GNB4: variants seen among roughly 807,000 people sequenced by gnomAD.
GNB4 encodes the protein guanine nucleotide-binding protein subunit beta-4.
Under a neutral mutation model 45.2 loss-of-function variants are expected in GNB4, and 28 were observed. That is an observed-to-expected ratio of 0.62 (90% confidence interval 0.46 to 0.85). The LOEUF is 0.85. Ranked by LOEUF, GNB4 falls within the 40% of genes least tolerant of loss-of-function variation. The pLI is 0.00. For synonymous variants in GNB4, 132 were observed against 143.7 expected, an observed-to-expected ratio of 0.92 and a Z score of 0.58; for missense variants, 321 against 425.4, an observed-to-expected ratio of 0.75 and a Z score of 2.16.
At chr3:179,490,433 A>G in the GNB4 span, among the ~76,000 whole-genome samples, 1 of 152,186 alleles carries the variant, frequency 6.6e-6, no homozygotes, top group African/African-American at 2.4e-5. Context: ...GTAGATCGAT[A>G]GATAGAGACA....
chr3:179,465,850 G>C, the GNB4 span, among the ~76,000 whole-genome samples: 2 of 131,398 alleles, frequency 1.5e-5, no homozygotes, highest in Non-Finnish European at 3.1e-5. Context: ...AGAGATGGGG[G>C]TCTTGCTATG....
the GNB4 span, among the ~76,000 whole-genome samples, chr3:179,485,462 C>G: frequency 6.6e-6 from 1 of 152,098 alleles, no homozygotes; most frequent in African/African-American, 2.4e-5. Context: ...TTTCTTTTGC[C>G]TATTTCCATT....
At chr3:179,481,290 T>C in the GNB4 span, among the ~76,000 whole-genome samples, 6 of 152,282 alleles carry the variant, frequency 3.9e-5, no homozygotes, top group Non-Finnish European at 8.8e-5. Context: ...GCCAAAGTCA[T>C]TGCTAATGAG....
At chr3:179,457,699 C>T in the GNB4 span, among the ~76,000 whole-genome samples, 10 of 152,244 alleles carry the variant, frequency 6.6e-5, no homozygotes, top group South Asian at 2.1e-3. Flanking sequence ...TAGAGTCAGG[C>T]TAACAAAATG....
chr3:179,409,509 T>A (rs1168626954), intron 8 of GNB4, among the ~76,000 whole-genome samples: 3 of 141,168 alleles, frequency 2.1e-5, no homozygotes, highest in African/African-American at 7.9e-5. Flanking sequence ...AGAAACTCCA[T>A]CTCAAAAACA....
chr3:179,497,550 A>T, the GNB4 span, among the ~76,000 whole-genome samples: 11 of 152,310 alleles, frequency 7.2e-5, no homozygotes, highest in Middle Eastern at 3.4e-3. Context: ...GAAGCAATTA[A>T]TAAAATGAAA....
intron 8 of GNB4, among the ~76,000 whole-genome samples, chr3:179,412,395 T>C (rs984182744): frequency 6.6e-6 from 1 of 152,002 alleles, no homozygotes; most frequent in African/African-American, 2.4e-5. Context: ...GGAAGATCAC[T>C]TGAGCCCAGG....
the GNB4 span, chr3:179,465,147 A>G: frequency 7.7e-7 from 1 of 1,292,020 alleles, no homozygotes; most frequent in Admixed American, 1.7e-5. Flanking sequence ...ATCAAGGAAG[A>G]AGCAGCAGTC....
chr3:179,523,419 ATAATG>A, the GNB4 span, among the ~76,000 whole-genome samples: 1 of 152,216 alleles, frequency 6.6e-6, no homozygotes, highest in Non-Finnish European at 1.5e-5. Context: ...CCAGAACAGA[ATAATG>A]GGTTGTGGAG....
chr3:179,447,096 G>T (rs956203445), intron 1 of GNB4, among the ~76,000 whole-genome samples: 1 of 152,130 alleles, frequency 6.6e-6, no homozygotes, highest in African/African-American at 2.4e-5. Context: ...AGGTTAGAGG[G>T]TGACGAGGAA....
chr3:179,415,139 T>C, intron 5 of GNB4, 92 bp from the exon 6 acceptor site: 3 of 951,462 alleles, frequency 3.2e-6, no homozygotes, highest in Non-Finnish European at 4.3e-6. Flanking sequence ...TATTAAAAAT[T>C]AAACACATCT....
chr3:179,456,107 C>A (rs966948756), upstream of GNB4, among the ~76,000 whole-genome samples: 1 of 122,622 alleles, frequency 8.2e-6, no homozygotes, highest in South Asian at 2.6e-4. Context: ...GGGACATAGA[C>A]TTTTTTTTTT....
At chr3:179,521,193 T>A in the GNB4 span, among the ~76,000 whole-genome samples, 1 of 152,212 alleles carries the variant, frequency 6.6e-6, no homozygotes, top group Middle Eastern at 3.4e-3. Flanking sequence ...CAGACATAAT[T>A]CCTCGGTTTG....
At chr3:179,482,873 T>C in the GNB4 span, among the ~76,000 whole-genome samples, 417 of 152,290 alleles carry the variant, frequency 2.7e-3, 2 homozygotes, top group African/African-American at 9.5e-3. Flanking sequence ...CCCTGAGAAA[T>C]AGGGTGTTTT....
the GNB4 span, among the ~76,000 whole-genome samples, chr3:179,490,744 T>C: frequency 6.6e-6 from 1 of 152,204 alleles, no homozygotes; most frequent in African/African-American, 2.4e-5. Context: ...GCCAATTGCA[T>C]GGTGCCTACC....
chr3:179,458,980 A>G, the GNB4 span, among the ~76,000 whole-genome samples: 1 of 152,236 alleles, frequency 6.6e-6, no homozygotes, highest in Non-Finnish European at 1.5e-5. Context: ...ATACATTTAT[A>G]GAGCATTTAG....
the GNB4 span, among the ~76,000 whole-genome samples, chr3:179,474,737 CTTTTTTTTTTTTTT>C: frequency 1.7e-5 from 1 of 59,726 alleles, no homozygotes; most frequent in Non-Finnish European, 2.8e-5. Flanking sequence ...AGACTGGGTC[CTTTTTTTTTTTTTT>C]TTTTTTTTTT....
chr3:179,416,016 T>C (rs1714789080), intron 5 of GNB4, among the ~76,000 whole-genome samples: 1 of 152,084 alleles, frequency 6.6e-6, no homozygotes, highest in Non-Finnish European at 1.5e-5. Flanking sequence ...GTGGATGTAT[T>C]AGGACCATCC....
At chr3:179,441,311 G>A (rs899453511) in intron 1 of GNB4, among the ~76,000 whole-genome samples, 3 of 152,144 alleles carry the variant, frequency 2.0e-5, no homozygotes, top group Non-Finnish European at 4.4e-5. Context: ...CATACACCTA[G>A]GCTCTATAGC....
Sources: allele counts gnomAD v4.1 joint callset (sites outside exome capture counted in the v4.1 genomes callset), GRCh38; gene constraint gnomAD v4.1.1; transcripts MANE v1.5; gene names NCBI Gene and HGNC (gene_info 2026-07-23, HGNC 2026-07-21).